The following GTPBP10 variants were observed in gnomAD, a reference collection of about 807,000 sequenced individuals.
The protein encoded by GTPBP10 is GTP-binding protein 10.
Under a neutral mutation model 44.8 loss-of-function variants are expected in GTPBP10, and 38 were observed. The ratio of observed to expected loss-of-function variants is 0.85; its 90% CI spans 0.65 to 1.11. GTPBP10 has a LOEUF of 1.11. GTPBP10 is among the 50% of genes most tolerant of loss of function. The probability of loss-of-function intolerance (pLI) is 0.00; values close to 1 mark genes in which losing one functional copy is unlikely to be tolerated. For synonymous variants in GTPBP10, 152 were observed against 150.6 expected (o/e 1.01, Z -0.07); for missense variants, 462 against 453.7 (o/e 1.02, Z -0.17).
intron 3 of GTPBP10, among the ~76,000 whole-genome samples, 184 bp downstream of exon 3, chr7:90,354,733 G>T (rs150275383): frequency 6.6e-6 from 1 of 152,224 alleles, no homozygotes; most frequent in Non-Finnish European, 1.5e-5. Context: ...TTGTTTTAAA[G>T]ATGTTACAGT....
intron 5 of GTPBP10, among the ~76,000 whole-genome samples, chr7:90,372,810 T>C (rs1796283155): frequency 3.3e-5 from 5 of 152,156 alleles, no homozygotes. Flanking sequence ...ATTTAGCAGA[T>C]ACTTATTTTT....
At chr7:90,376,612 T>G (rs550073196) in intron 6 of GTPBP10, among the ~76,000 whole-genome samples, 2 of 152,324 alleles carry the variant, frequency 1.3e-5, no homozygotes, top group South Asian at 2.1e-4. Flanking sequence ...AACATGGCAC[T>G]GCAAAGAACA....
intron 4 of GTPBP10, among the ~76,000 whole-genome samples, chr7:90,368,186 G>T (rs1040562120): frequency 3.3e-5 from 5 of 152,118 alleles, no homozygotes; most frequent in South Asian, 2.1e-4. Context: ...GTGGGTAACC[G>T]TACCTTTCTC....
chr7:90,358,080 G>T (rs577621860), intron 4 of GTPBP10, among the ~76,000 whole-genome samples: 1 of 152,102 alleles, frequency 6.6e-6, no homozygotes, highest in Non-Finnish European at 1.5e-5. Flanking sequence ...AATGAATTCA[G>T]TATACTCTCA....
intron 4 of GTPBP10, among the ~76,000 whole-genome samples, 179 bp downstream of exon 4, chr7:90,355,409 C>A (rs997955571): frequency 9.9e-5 from 15 of 151,954 alleles, no homozygotes; most frequent in African/African-American, 3.6e-4. Context: ...CACAGAGTTT[C>A]ATAGTTATTG....
intron 8 of GTPBP10, among the ~76,000 whole-genome samples, chr7:90,380,990 A>G (rs1796426968): frequency 6.6e-6 from 1 of 152,134 alleles, no homozygotes; most frequent in Admixed American, 6.6e-5. Context: ...GCTGAATAAT[A>G]TTCAGTTGTG....
rs1796100339 is a variant in GTPBP10 at position 90,364,867 on chromosome 7, T to C, written c.465-7288T>C. 2.0e-5 allele frequency among the ~76,000 whole-genome samples: 3 copies of C among 152,132 alleles called. No homozygotes were observed. The South Asian group carries it at 6.2e-4, about 32-fold the overall frequency. ...GCCAGCCTCACTGCCGCCTTGCAGT[T>C]CGATCTCAGACTGCTGTGCTAGCAA... On this transcript the variant is annotated intron_variant, in intron 4 of 9. Transcript: ENST00000222511.
At position 90,385,243 on chromosome 7, in the gene GTPBP10, AG is replaced by A. The variant is rs1482684654; in HGVS notation, c.*90del. 2 of 913,392 alleles carry A rather than the reference AG, an allele frequency of 2.2e-6. No homozygotes were observed. The highest frequency in any genetic ancestry group is 3.2e-6 in the Non-Finnish European group (2 of 623,142). The allele number at this position is 913,392 out of a possible 1,614,324, so 56.6% of individuals were successfully genotyped here. A position where few individuals can be genotyped will look rare whatever the true frequency, so the allele number is the denominator to read the frequency against. ...CTGTGACAACCTGGAGGACATGTTA[AG>A]TAAAATAAGCCAGGCTTAGAAAGAC... On this transcript the variant is annotated 3_prime_UTR_variant, in exon 10 of 10. Coordinates refer to ENST00000222511, the MANE Select transcript of GTPBP10 (RefSeq NM_033107.4).
At chr7:90,384,594 A>ACCC (rs555620480) in intron 9 of GTPBP10, among the ~76,000 whole-genome samples, 31 of 149,232 alleles carry the variant, frequency 2.1e-4, no homozygotes, top group African/African-American at 7.5e-4. Flanking sequence ...GCCTTATTTA[A>ACCC]CCCCCCCCAC....
intron 1 of GTPBP10, among the ~76,000 whole-genome samples, 192 bp downstream of exon 1, chr7:90,346,966 T>G (rs1368870130): frequency 1.3e-5 from 2 of 152,208 alleles, no homozygotes; most frequent in Non-Finnish European, 1.5e-5. Context: ...TGGCGTGGTT[T>G]GGACGGTTGT....
intron 6 of GTPBP10, among the ~76,000 whole-genome samples, chr7:90,376,268 G>A (rs1796344316): frequency 6.6e-6 from 1 of 151,744 alleles, no homozygotes; most frequent in Non-Finnish European, 1.5e-5. Flanking sequence ...GTAAAATGAT[G>A]GTTAATAATG....
Position 90,372,145 on chromosome 7 carries a change from C to T in GTPBP10, c.465-10C>T. The T allele has an allele frequency of 6.4e-7, 1 of 1,562,660 alleles. No homozygotes were observed. The highest frequency in any genetic ancestry group is 8.8e-7 in the Non-Finnish European group (1 of 1,138,086). ...TGACATTTGTGTATAATTTTATATT[C>T]TTGTTTCAGATTCCCAAATGCTGGA... On this transcript the variant is annotated splice_polypyrimidine_tract_variant and intron_variant, in intron 4 of 9. Transcript: ENST00000222511.
rs1795872963 is a variant in GTPBP10 at position 90,355,214 on chromosome 7, G to A, written c.448G>A (p.Asp150Asn). 6.3e-7 allele frequency: 1 copy of A among 1,591,654 alleles called. No individual in the cohort carries two copies. Among genetic ancestry groups the A allele is most frequent in the Non-Finnish European group, 8.6e-7 (1 of 1,168,016 alleles). The change falls in exon 4 of 10, where the codon GAT becomes AAT. Residue 150 changes from aspartate to asparagine, a missense_variant. Physicochemically the swap from Asp to Asn is conservative, Grantham distance 23 (BLOSUM62 1). Coordinates refer to ENST00000222511, the MANE Select transcript of GTPBP10 (RefSeq NM_033107.4). ...TCACCTTGATCTAAAACTTATAGCTGATGTAGGCCTAGTAGGGTAAGTATC... is the reference window on the plus strand; with the variant it reads ...TCACCTTGATCTAAAACTTATAGCTAATGTAGGCCTAGTAGGGTAAGTATC... ...IIHLDLKLIA[D>N]VGLVGFPNAG...
In GTPBP10 at chr7:90,387,178, A is replaced by C. The variant is rs1385913238; in HGVS notation, c.*2024A>C. The C allele has an allele frequency of 2.0e-5, 3 of 152,040 alleles. No individual in the cohort carries two copies. The highest frequency in any genetic ancestry group is 2.0e-4 in the Admixed American group (3 of 15,262). The allele number at this position is 152,040 out of a possible 1,614,324, so 9.4% of individuals were successfully genotyped here. ...ATGGTGAAAACCCATCTCTACTAAAATACAAAAATCAGCTGGGCATGGTGG... is the reference window on the plus strand; with the variant it reads ...ATGGTGAAAACCCATCTCTACTAAACTACAAAAATCAGCTGGGCATGGTGG... On this transcript the variant is annotated 3_prime_UTR_variant, in exon 10 of 10. Transcript: ENST00000222511.
intron 4 of GTPBP10, among the ~76,000 whole-genome samples, chr7:90,359,576 A>G (rs999207759): frequency 1.3e-5 from 2 of 152,170 alleles, no homozygotes; most frequent in Non-Finnish European, 2.9e-5. Context: ...AGTCTTTGCT[A>G]TTGTGAATAG....
chr7:90,353,050 C>A (rs760680738), intron 2 of GTPBP10, 41 bp downstream of exon 2: 7 of 1,360,718 alleles, frequency 5.1e-6, no homozygotes, highest in South Asian at 3.3e-5. Flanking sequence ...GAAAATCAAA[C>A]CCTTCTGGAA....
intron 8 of GTPBP10, among the ~76,000 whole-genome samples, chr7:90,378,685 G>A (rs1168024824): frequency 6.6e-6 from 1 of 151,972 alleles, no homozygotes. Context: ...TGCCAGATCT[G>A]TAGCTGATAC....
At chr7:90,362,648 T>A (rs563611241) in intron 4 of GTPBP10, among the ~76,000 whole-genome samples, 9 of 152,296 alleles carry the variant, frequency 5.9e-5, no homozygotes, top group African/African-American at 2.2e-4. Flanking sequence ...GTCTATTAGG[T>A]CCTCATGGTG....
In GTPBP10 at chr7:90,371,196, A is replaced by G. The variant is rs537427704; in HGVS notation, c.465-959A>G. On this transcript the variant is annotated intron_variant, in intron 4 of 9. Coordinates refer to ENST00000222511, the MANE Select transcript of GTPBP10 (RefSeq NM_033107.4). The stretch of plus-strand genomic sequence containing the variant: ...GTTGTCTATGAATTCCACCACCCAG[A>G]GATGACTATTAACAGTGTCTGTCTA... 1.6e-4 allele frequency: 159 copies of G among 976,374 alleles called. 3 individuals carry two copies. The highest frequency in any genetic ancestry group is 4.9e-4 in the Admixed American group (8 of 16,262). 60.5% of individuals were successfully genotyped at this position (976,374 alleles called of 1,614,324 possible).
Sources: gnomAD v4.1 joint callset for allele counts (sites outside exome capture counted in the v4.1 genomes callset) on GRCh38, gnomAD v4.1.1 for gene constraint, MANE v1.5 for transcripts, NCBI Gene and HGNC (gene_info 2026-07-23, HGNC 2026-07-21) for gene names.